Variants in ANXA4 observed in about 807,000 individuals in gnomAD.
ANXA4 encodes annexin A4.
In ANXA4, 39 loss-of-function variants were observed where a neutral mutation model predicts 49.8. The observed-to-expected ratio is 0.78, with a 90% CI of 0.61 to 1.02. The LOEUF (loss-of-function observed/expected upper bound fraction) is 1.02. Among genes scored for constraint, ANXA4 ranks in the 50% least tolerant of loss-of-function variants. The pLI, the probability that ANXA4 is intolerant of heterozygous loss-of-function variation, is 0.00. For synonymous variants in ANXA4, 134 were observed against 152.5 expected (o/e 0.88, Z 0.89); for missense variants, 360 against 410.1 (o/e 0.88, Z 1.05).
chr2:69,817,789 G>C (rs1296713806), intron 9 of ANXA4: 1 of 152,204 alleles, frequency 6.6e-6, no homozygotes, highest in Non-Finnish European at 1.5e-5. Flanking sequence ...GTGACACCCA[G>C]GAAGTTTAAT....
At chr2:69,699,137 G>T (rs1181042099) in intron 2 of ANXA4, among the ~76,000 whole-genome samples, 4 of 152,170 alleles carry the variant, frequency 2.6e-5, no homozygotes, top group African/African-American at 9.7e-5. Context: ...GTGGGAGTGT[G>T]TGGGGTGGGG....
At chr2:69,773,693 G>A (rs1323477362) in intron 1 of ANXA4, among the ~76,000 whole-genome samples, 2 of 133,190 alleles carry the variant, frequency 1.5e-5, no homozygotes, top group East Asian at 2.5e-4. Flanking sequence ...GTGCAGTGGC[G>A]TGATCTCAGC....
At chr2:69,780,014 A>G (rs993658711) in intron 1 of ANXA4, among the ~76,000 whole-genome samples, 5 of 152,238 alleles carry the variant, frequency 3.3e-5, no homozygotes, top group African/African-American at 1.2e-4. Flanking sequence ...TGATCAAACA[A>G]GGCCTAAATG....
chr2:69,783,304 G>T (rs142235402), intron 2 of ANXA4, among the ~76,000 whole-genome samples: 51 of 152,074 alleles, frequency 3.4e-4, no homozygotes, highest in Non-Finnish European at 5.1e-4. Flanking sequence ...TACCACCTCC[G>T]TCGTAGGTTT....
chr2:69,754,371 C>T (rs1269998756), intron 1 of ANXA4, among the ~76,000 whole-genome samples: 2 of 152,174 alleles, frequency 1.3e-5, no homozygotes, highest in Non-Finnish European at 2.9e-5. Context: ...CCAGGGTTCT[C>T]AAACCTCAGC....
At chr2:69,802,919 G>A (rs191808585) in intron 3 of ANXA4, among the ~76,000 whole-genome samples, 54 of 152,024 alleles carry the variant, frequency 3.6e-4, no homozygotes, top group Non-Finnish European at 6.9e-4. Context: ...GAACACGGCT[G>A]GGCATGATGG....
intron 1 of ANXA4, among the ~76,000 whole-genome samples, chr2:69,650,528 T>C (rs1415848829): frequency 6.6e-6 from 1 of 151,876 alleles, no homozygotes; most frequent in East Asian, 1.9e-4. Context: ...CAGGCTGGAG[T>C]GCAGTGGCAT....
intron 1 of ANXA4, among the ~76,000 whole-genome samples, chr2:69,648,264 T>A (rs1268306556): frequency 6.6e-6 from 1 of 152,144 alleles, no homozygotes; most frequent in Non-Finnish European, 1.5e-5. Flanking sequence ...CAAAACATCT[T>A]AAAAAGGGCA....
chr2:69,721,096 C>T (rs1416326734), intron 3 of ANXA4, among the ~76,000 whole-genome samples: 3 of 152,250 alleles, frequency 2.0e-5, no homozygotes, highest in African/African-American at 7.2e-5. Flanking sequence ...GCCTGCATGC[C>T]CCCATGGCAA....
rs370167690 is a variant in ANXA4, at chr2:69,804,622, G to A, written c.187G>A (p.Gly63Ser). The change falls in exon 4 of 13, where the codon GGC becomes AGC. Residue 63 changes from glycine to serine, a missense_variant. Physicochemically the swap from Gly to Ser is moderately conservative, Grantham distance 56 (BLOSUM62 0). Coordinates refer to ENST00000394295, the MANE Select transcript of ANXA4 (RefSeq NM_001153.5). ...EIRTAYKSTI[G>S]RDLIDDLKSE... is the part of the protein sequence containing the mutation. Reference sequence around the variant, plus strand: ...CAGGACAGCCTACAAGAGCACCATCGGCAGGGTAGGCCACAGTCTTTCCTG... The same window carrying A: ...CAGGACAGCCTACAAGAGCACCATCAGCAGGGTAGGCCACAGTCTTTCCTG... The A allele has an allele frequency of 1.1e-5, 18 of 1,611,690 alleles. No homozygotes were observed. The highest frequency in any genetic ancestry group is 5.3e-5 in the African/African-American group (4 of 74,850).
At chr2:69,686,977 C>T (rs78325732) in intron 2 of ANXA4, among the ~76,000 whole-genome samples, 1 of 152,198 alleles carries the variant, frequency 6.6e-6, no homozygotes, top group South Asian at 2.1e-4. Flanking sequence ...GTCACACTTT[C>T]CTGAGATCAG....
At chr2:69,706,356 AG>A (rs372388538) in intron 2 of ANXA4, among the ~76,000 whole-genome samples, 339 of 123,054 alleles carry the variant, frequency 2.8e-3, no homozygotes, top group African/African-American at 0.011. Flanking sequence ...GCTGGGGTAC[AG>A]TGGTTCGATC....
At chr2:69,738,727 C>T (rs993816664), upstream of ANXA4, among the ~76,000 whole-genome samples, 1 of 152,198 alleles carries the variant, frequency 6.6e-6, no homozygotes, top group Non-Finnish European at 1.5e-5. Flanking sequence ...CTGAGCCTGC[C>T]ATGTGAAGGG....
At chr2:69,762,051 C>T (rs1671314709) in intron 1 of ANXA4, among the ~76,000 whole-genome samples, 1 of 152,108 alleles carries the variant, frequency 6.6e-6, no homozygotes, top group Admixed American at 6.5e-5. Flanking sequence ...CCTACCAGAG[C>T]AATAAAGCTG....
chr2:69,683,668 A>G (rs939346353), intron 2 of ANXA4, among the ~76,000 whole-genome samples: 1 of 152,096 alleles, frequency 6.6e-6, no homozygotes, highest in Non-Finnish European at 1.5e-5. Context: ...ACATACCTGC[A>G]CACTCACACA....
chr2:69,694,138 A>G (rs1053906096), intron 2 of ANXA4, among the ~76,000 whole-genome samples: 6 of 152,128 alleles, frequency 3.9e-5, no homozygotes, highest in Non-Finnish European at 5.9e-5. Context: ...TTTAATCCCC[A>G]ATGCAGTAGT....
chr2:69,777,203 A>G (rs1038382225), intron 1 of ANXA4, among the ~76,000 whole-genome samples: 1 of 151,244 alleles, frequency 6.6e-6, no homozygotes, highest in Non-Finnish European at 1.5e-5. Flanking sequence ...CAACCCCTCC[A>G]CTCCCTATTT....
intron 1 of ANXA4, among the ~76,000 whole-genome samples, chr2:69,751,206 T>C (rs1670827010): frequency 6.6e-6 from 1 of 152,030 alleles, no homozygotes; most frequent in Non-Finnish European, 1.5e-5. Context: ...ATCCTATGCT[T>C]TACCACTCTG....
rs1672199969 is a variant in ANXA4 at position 69,781,555 on chromosome 2, G to A, written c.-11G>A. 4 of 1,614,014 alleles carry A rather than the reference G, an allele frequency of 2.5e-6. No homozygotes were observed. The highest frequency in any genetic ancestry group is 3.4e-6 in the Non-Finnish European group (4 of 1,179,990). On this transcript the variant is annotated 5_prime_UTR_variant, in exon 2 of 13. Coordinates refer to ENST00000394295, the MANE Select transcript of ANXA4 (RefSeq NM_001153.5). ...GCTTGGGTGGCTGAACTCTGATCTT[G>A]ACCTAGAGTCATGGCCATGGTAAGT...
Sources: gnomAD v4.1 joint callset for allele counts (sites outside exome capture counted in the v4.1 genomes callset) on GRCh38, gnomAD v4.1.1 for gene constraint, MANE v1.5 for transcripts, NCBI Gene and HGNC (gene_info 2026-07-23, HGNC 2026-07-21) for gene names.